Variants in AKAP13 observed in about 807,000 individuals in gnomAD.
AKAP13 encodes A-kinase anchoring protein 13.
In AKAP13, 80 loss-of-function variants were observed where a neutral mutation model predicts 264.5. The observed-to-expected ratio is 0.30, with a 90% confidence interval of 0.25 to 0.36. AKAP13 has a LOEUF of 0.36. Ranked by LOEUF, AKAP13 falls within the 10% of genes least tolerant of loss-of-function variation. The pLI is 1.00. For missense variants in AKAP13, 3,712 were observed against 3,435.2 expected (o/e 1.08, Z -2.01); for synonymous variants, 1,380 against 1,250.2 (o/e 1.10, Z -2.19).
chr15:85,740,194 G>T (rs745855282), intron 33 of AKAP13, 28 bp from the exon 34 acceptor site: 3 of 1,613,562 alleles, frequency 1.9e-6, no homozygotes. Context: ...GCCCTGAAAC[G>T]AATGTTTCCA....
intron 5 of AKAP13, among the ~76,000 whole-genome samples, chr15:85,571,526 G>A (rs1196724928): frequency 1.3e-5 from 2 of 152,168 alleles, no homozygotes; most frequent in Non-Finnish European, 1.5e-5. Flanking sequence ...GTTTTATACG[G>A]TGGTAACACA....
At chr15:85,645,427 T>TA (rs1379740529) in intron 9 of AKAP13, among the ~76,000 whole-genome samples, 6 of 152,318 alleles carry the variant, frequency 3.9e-5, no homozygotes, top group Non-Finnish European at 8.8e-5. Context: ...ACATAGTTGC[T>TA]AGTAAAAGAC....
chr15:85,631,498 T>TCACACACACACACA (rs1202064107), intron 8 of AKAP13, among the ~76,000 whole-genome samples: 10 of 66,528 alleles, frequency 1.5e-4, no homozygotes, highest in African/African-American at 4.8e-4. Context: ...TCTCTCTCTC[T>TCACACACACACACA]CTCTCACACA....
intron 8 of AKAP13, among the ~76,000 whole-genome samples, chr15:85,632,862 A>T (rs2151453411): frequency 1.1e-5 from 1 of 94,670 alleles, no homozygotes. Context: ...AAGTATTCTA[A>T]GAAATAAAAT....
chr15:85,442,511 A>G (rs1276516059), intron 1 of AKAP13, among the ~76,000 whole-genome samples: 1 of 112,098 alleles, frequency 8.9e-6, no homozygotes, highest in East Asian at 2.5e-4. Flanking sequence ...TATTATATAT[A>G]ATATATATTA....
chr15:85,618,940 A>G (rs149411292), intron 8 of AKAP13, among the ~76,000 whole-genome samples: 301 of 152,192 alleles, frequency 2.0e-3, no homozygotes, highest in African/African-American at 7.0e-3. Flanking sequence ...TTTGGCTGAC[A>G]TTTTTCTCGT....
At chr15:85,521,653 G>A in intron 3 of AKAP13, 78 bp downstream of exon 3, 1 of 1,483,246 alleles carries the variant, frequency 6.7e-7, no homozygotes, top group Non-Finnish European at 9.1e-7. Flanking sequence ...AGTATAGAGT[G>A]ACAGGAAGAG....
At chr15:85,421,761 C>G (rs928999217) in intron 1 of AKAP13, among the ~76,000 whole-genome samples, 12 of 152,204 alleles carry the variant, frequency 7.9e-5, no homozygotes, top group Admixed American at 7.2e-4. Flanking sequence ...AAGGGACTTT[C>G]TACTTTGTAG....
intron 1 of AKAP13, among the ~76,000 whole-genome samples, chr15:85,462,929 CA>C: frequency 1.4e-5 from 2 of 139,880 alleles, no homozygotes; most frequent in Middle Eastern, 8.5e-3. Flanking sequence ...GAGGCTGAGG[CA>C]GGAGAATGGC....
chr15:85,687,005 T>A (rs1414983556), intron 16 of AKAP13, among the ~76,000 whole-genome samples: 1 of 152,220 alleles, frequency 6.6e-6, no homozygotes, highest in Non-Finnish European at 1.5e-5. Context: ...TCCCCCTTTC[T>A]AGCCATCTCC....
intron 1 of AKAP13, among the ~76,000 whole-genome samples, chr15:85,446,342 T>C (rs1205795188): frequency 6.6e-6 from 1 of 151,914 alleles, no homozygotes; most frequent in African/African-American, 2.4e-5. Flanking sequence ...GTAAACGAAA[T>C]AGGATTTGTT....
At position 85,660,745 on chromosome 15, in the gene AKAP13, A is replaced by C. The variant is rs183134736; in HGVS notation, c.4799+2155A>C. 2.3e-4 allele frequency among the ~76,000 whole-genome samples: 35 copies of C among 152,326 alleles called. 1 individual carries two copies. The highest frequency in any genetic ancestry group is 8.4e-4 in the African/African-American group (35 of 41,582). ...GTCATCCCACTTACCAGACCAGCGA[A>C]GTGTCTCCACTATATTTTTACTTTC... On this transcript the variant is annotated intron_variant, in intron 12 of 36. Transcript: ENST00000394518.
intron 14 of AKAP13, among the ~76,000 whole-genome samples, chr15:85,676,236 G>C (rs2084221172): frequency 6.6e-6 from 1 of 152,206 alleles, no homozygotes; most frequent in Admixed American, 6.5e-5. Flanking sequence ...CAGGATTCAA[G>C]TTACAGTAGT....
intron 1 of AKAP13, among the ~76,000 whole-genome samples, chr15:85,410,412 A>G (rs912870577): frequency 2.0e-5 from 3 of 151,404 alleles, no homozygotes; most frequent in Admixed American, 2.0e-4. Context: ...TTTCCTGTAC[A>G]CTGTTTGGAC....
At chr15:85,608,415 A>G (rs74025633) in intron 8 of AKAP13, among the ~76,000 whole-genome samples, 2,858 of 152,358 alleles carry the variant, frequency 0.019, 93 homozygotes, top group African/African-American at 0.066. Context: ...TGGATGTATC[A>G]TACCATTTTT....
chr15:85,521,783 G>A (rs951278376), intron 3 of AKAP13, among the ~76,000 whole-genome samples: 2 of 152,140 alleles, frequency 1.3e-5, no homozygotes, highest in African/African-American at 4.8e-5. Flanking sequence ...GTATATTACT[G>A]TTATGTCGGC....
intron 8 of AKAP13, among the ~76,000 whole-genome samples, chr15:85,613,713 T>TATATATATATATATATATA (rs1254657975): frequency 3.2e-4 from 36 of 110,880 alleles, no homozygotes; most frequent in Non-Finnish European, 5.6e-4. Context: ...TATATATATA[T>TATATATATATATATATATA]TAGGAGTGCT....
chr15:85,643,876 A>G (rs753042251), intron 9 of AKAP13, among the ~76,000 whole-genome samples: 4 of 152,170 alleles, frequency 2.6e-5, no homozygotes, highest in Non-Finnish European at 4.4e-5. Context: ...ATTTTTGTTT[A>G]TCAGTGTTCT....
At position 85,655,476 on chromosome 15, in the gene AKAP13, G is replaced by A. The variant is rs781457157; in HGVS notation, c.4434G>A (p.Thr1478=). Residue 1478 remains threonine (T), a synonymous_variant, in exon 11 of 37, where the codon ACG becomes ACA. Coordinates refer to ENST00000394518, the MANE Select transcript of AKAP13 (RefSeq NM_007200.5). The part of the protein sequence containing the change: ...ITGSSSSTDD[T]ASLDRHSSHG... Reference sequence around the variant, plus strand: ...GATCCAGTTCATCCACCGATGACACGGCTTCACTGGACCGACATTCTTCTC... The same window carrying A: ...GATCCAGTTCATCCACCGATGACACAGCTTCACTGGACCGACATTCTTCTC... The A allele has an allele frequency of 1.7e-5, 27 of 1,614,014 alleles. 1 individual carries two copies. The highest frequency in any genetic ancestry group is 6.7e-5 in the Admixed American group (4 of 59,992).
Sources: allele counts gnomAD v4.1 joint callset (sites outside exome capture counted in the v4.1 genomes callset), GRCh38; gene constraint gnomAD v4.1.1; transcripts MANE v1.5; gene names NCBI Gene and HGNC (gene_info 2026-07-23, HGNC 2026-07-21).